FSCN1: variants seen among roughly 807,000 people sequenced by gnomAD.
FSCN1 encodes fascin actin-bundling protein 1, also known as fascin.
In FSCN1, 10 loss-of-function variants were observed where a neutral mutation model predicts 39.7. That is an observed-to-expected ratio of 0.25 (90% confidence interval 0.16 to 0.43). The LOEUF is 0.43. Among genes scored for constraint, FSCN1 ranks in the 20% least tolerant of loss-of-function variants. The pLI is 1.00. For missense variants in FSCN1, 525 were observed against 723.8 expected, an observed-to-expected ratio of 0.73 and a Z score of 3.15; for synonymous variants, 322 against 320.0, an observed-to-expected ratio of 1.01 and a Z score of -0.07.
chr7:5,603,632 C>G lies in FSCN1; in HGVS notation c.1111+15C>G, dbSNP rs1041009719. 3.0e-5 allele frequency: 48 copies of G among 1,613,864 alleles called. No homozygotes were observed. The highest frequency in any genetic ancestry group is 4.1e-5 in the Non-Finnish European group (48 of 1,180,018). On this transcript the variant is annotated intron_variant, in intron 3 of 4. Transcript: ENST00000382361. The surrounding 1 kb of genome is among the most constrained non-coding windows in gnomAD (Gnocchi z 8.5). ...GGAGACAGCAGGTAACACTAAAGCC[C>G]CAGTTCCCTGGAGCCGTCCTGGAGT...
intron 4 of FSCN1, among the ~76,000 whole-genome samples, chr7:5,604,792 T>C (rs1196337779): frequency 6.6e-6 from 1 of 152,104 alleles, no homozygotes; most frequent in Non-Finnish European, 1.5e-5. Flanking sequence ...GGAGCCACCA[T>C]GCCTGGCTAA....
intron 1 of FSCN1, chr7:5,594,470 G>C (rs1365151491): frequency 6.6e-6 from 1 of 152,450 alleles, no homozygotes; most frequent in Non-Finnish European, 1.5e-5. Flanking sequence ...CCTCGACTGG[G>C]TCCTCCCTCG....
At chr7:5,600,527 C>G (rs1434925321) in intron 1 of FSCN1, among the ~76,000 whole-genome samples, 1 of 151,920 alleles carries the variant, frequency 6.6e-6, no homozygotes, top group Non-Finnish European at 1.5e-5. Flanking sequence ...GAGTCTTGCT[C>G]TGTCGCCCAG....
rs773915363 is a variant in FSCN1 at position 5,593,802 on chromosome 7, C to G, written c.832+34C>G. The G allele has an allele frequency of 2.2e-6, 3 of 1,394,334 alleles. 1 individual carries two copies. The highest frequency in any genetic ancestry group is 2.6e-5 in the South Asian group (2 of 78,094). 86.4% of individuals were successfully genotyped at this position (1,394,334 alleles called of 1,614,324 possible). A position where few individuals can be genotyped will look rare whatever the true frequency, so the allele number is the denominator to read the frequency against. The stretch of plus-strand genomic sequence containing the variant: ...GGACGCTGCCCCCGCCTCTCCTGGT[C>G]CGTGCACAAAGCGCACCCCACCCGC... On this transcript the variant is annotated intron_variant, in intron 1 of 4. Transcript: ENST00000382361.
At position 5,605,249 on chromosome 7, in the gene FSCN1, A is replaced by G; in HGVS notation, c.1280-23A>G. ...GGTGGGGAGCCAGGCTTTGGGCCCC[A>G]CTTGATAAAGTCCCCTCCCCAGACT... On this transcript the variant is annotated intron_variant, in intron 4 of 4. Coordinates refer to ENST00000382361, the MANE Select transcript of FSCN1 (RefSeq NM_003088.4). The surrounding 1 kb of genome is among the most constrained non-coding windows in gnomAD (Gnocchi z 6.9). The G allele has an allele frequency of 6.3e-7, 1 of 1,592,472 alleles. No individual in the cohort carries two copies. Among genetic ancestry groups the G allele is most frequent in the South Asian group, 1.1e-5 (1 of 90,564 alleles).
chr7:5,594,094 G>T, intron 1 of FSCN1: 1 of 288,368 alleles, frequency 3.5e-6, no homozygotes, highest in Non-Finnish European at 5.9e-6. Flanking sequence ...CTGATCCCTC[G>T]GATCAGCTGT....
chr7:5,593,866 G>T (rs1308451871), intron 1 of FSCN1, 98 bp downstream of exon 1: 3 of 872,430 alleles, frequency 3.4e-6, no homozygotes, highest in Non-Finnish European at 5.1e-6. Flanking sequence ...TCGCGGCGCC[G>T]CTGCGGTCCG....
chr7:5,593,741 A>G lies in FSCN1; in HGVS notation c.805A>G (p.Asn269Asp). ...CGCCCAGGTCGTGCTGCAGGCGGCC[A>G]ACGAGAGGAACGTGTCCACGCGCCA... is the stretch of plus-strand genomic sequence containing the variant. ...SCAQVVLQAANERNVSTRQGM... is the reference protein window; with the variant it reads ...SCAQVVLQAADERNVSTRQGM... The change falls in exon 1 of 5, where the codon AAC becomes GAC. Residue 269 changes from asparagine (N) to aspartate (D), a missense_variant. Asn to Asp is a conservative substitution (Grantham distance 23). Around this residue, in one of 3 missense-constraint regions of FSCN1, gnomAD observed 275 missense variants for 351.9 expected, o/e 0.78. Coordinates refer to ENST00000382361, the MANE Select transcript of FSCN1 (RefSeq NM_003088.4). 1 of 1,588,080 alleles carries G rather than the reference A, an allele frequency of 6.3e-7. No individual in the cohort carries two copies. The highest frequency in any genetic ancestry group is 8.5e-7 in the Non-Finnish European group (1 of 1,174,108).
chr7:5,592,826 G>A lies in FSCN1; in HGVS notation c.-111G>A. The A allele has an allele frequency of 1.6e-6, 1 of 637,138 alleles. No individual in the cohort carries two copies. The highest frequency in any genetic ancestry group is 2.1e-5 in the South Asian group (1 of 48,322). 39.5% of individuals were successfully genotyped at this position (637,138 alleles called of 1,614,324 possible). A position where few individuals can be genotyped will look rare whatever the true frequency, so the allele number is the denominator to read the frequency against. On this transcript the variant is annotated 5_prime_UTR_variant, in exon 1 of 5. Transcript: ENST00000382361. The surrounding 1 kb of genome is among the most constrained non-coding windows in gnomAD (Gnocchi z 5.3). ...CGCTAGCTGGGCTTTGTGGAGCGCT[G>A]CGGAGGGTGCGTGCGGGCCGCGGCA...
chr7:5,603,767 G>A lies in FSCN1; in HGVS notation c.1112-96G>A, dbSNP rs1308365977. On this transcript the variant is annotated intron_variant, in intron 3 of 4. Transcript: ENST00000382361. This position sits in a 1 kb window ranked among gnomAD's most constrained non-coding sequence, Gnocchi z 8.5. ...GCACTGTCCTACCCTGGGGACTGCT[G>A]TGTGACCCCAGCTCCTGGCCCTCCC... 8 of 1,488,184 alleles carry A rather than the reference G, an allele frequency of 5.4e-6. No individual in the cohort carries two copies. Among genetic ancestry groups the A allele is most frequent in the African/African-American group, 2.8e-5 (2 of 72,402 alleles). 92.2% of individuals were successfully genotyped at this position (1,488,184 alleles called of 1,614,324 possible).
rs528905664 is a variant in FSCN1 at position 5,603,167 on chromosome 7, G to C, written c.833-90G>C. ...CCACCCCACCCCGTGGTGTTACCTT[G>C]CGTGTGTAGTTCTGTGAGCTCAGGG... On this transcript the variant is annotated intron_variant, in intron 1 of 4. Coordinates refer to ENST00000382361, the MANE Select transcript of FSCN1 (RefSeq NM_003088.4). This position sits in a 1 kb window ranked among gnomAD's most constrained non-coding sequence, Gnocchi z 8.5. 32 of 1,457,276 alleles carry C rather than the reference G, an allele frequency of 2.2e-5. No individual in the cohort carries two copies. Among genetic ancestry groups the C allele is most frequent in the Admixed American group, 1.1e-4 (6 of 56,284 alleles). 90.3% of individuals were successfully genotyped at this position (1,457,276 alleles called of 1,614,324 possible).
At chr7:5,598,008 GGCCAAGCGAGGGCCTTGGAGCCA>G (rs1785761667) in intron 1 of FSCN1, among the ~76,000 whole-genome samples, 1 of 152,214 alleles carries the variant, frequency 6.6e-6, no homozygotes, top group Admixed American at 6.5e-5. Flanking sequence ...GAGACTCCAA[GGCCAAGCGAGGGCCTTGGAGCCA>G]GGAGGGGCCC....
intron 1 of FSCN1, 103 bp downstream of exon 1, chr7:5,593,871 G>C: frequency 1.2e-6 from 1 of 829,330 alleles, no homozygotes. Flanking sequence ...GCGCCGCTGC[G>C]GTCCGGAGCA....
chr7:5,603,847 CCT>C lies in FSCN1; in HGVS notation c.1112-13_1112-12del, dbSNP rs1289802940. ...CCCTGCCAGGAGGCTCACTGACTCC[CCT>C]CTTTCTGGGACAGGGGACTCAGAGC... is the stretch of plus-strand genomic sequence containing the variant. On this transcript the variant is annotated splice_polypyrimidine_tract_variant and intron_variant, in intron 3 of 4. Transcript: ENST00000382361. The surrounding 1 kb of genome is among the most constrained non-coding windows in gnomAD (Gnocchi z 8.5). The C allele has an allele frequency of 4.4e-6, 7 of 1,609,070 alleles. No homozygotes were observed. The Admixed American group carries it at 1.2e-4, about 27-fold the overall frequency.
rs1785780470 is a variant in FSCN1, at chr7:5,599,048, T to G, written c.833-4209T>G. Among the ~76,000 whole-genome samples the G allele has an allele frequency of 6.6e-6, 1 of 151,952 alleles. No individual in the cohort carries two copies. The highest frequency in any genetic ancestry group is 1.5e-5 in the Non-Finnish European group (1 of 67,950). On this transcript the variant is annotated intron_variant, in intron 1 of 4. Transcript: ENST00000382361. The surrounding 1 kb of genome is among the most constrained non-coding windows in gnomAD (Gnocchi z 5.6). ...CCAGACCTTTGCAGGGCCTCTTGGC[T>G]GGTGGAGGGCTGAGTGAGCAGAGGC...
In FSCN1 at chr7:5,603,693, GCCC is replaced by G; in HGVS notation, c.1111+78_1111+80del. On this transcript the variant is annotated intron_variant, in intron 3 of 4. Transcript: ENST00000382361. The surrounding 1 kb of genome is among the most constrained non-coding windows in gnomAD (Gnocchi z 8.5). ...CTGGCCATGCCGTGGTCACTTGGTA[GCCC>G]CAGCCAAGGCCTGCTCTGTGCTGGG... The G allele has an allele frequency of 6.3e-7, 1 of 1,597,026 alleles. No individual in the cohort carries two copies. Among genetic ancestry groups the G allele is most frequent in the South Asian group, 1.1e-5 (1 of 90,038 alleles).
chr7:5,598,866 G>A lies in FSCN1; in HGVS notation c.833-4391G>A, dbSNP rs958984785. The stretch of plus-strand genomic sequence containing the variant: ...ATTGGACAGGTGGTGCTCTGTGGCC[G>A]GCACAGGCCAGGGCCCAGGGTGCGG... On this transcript the variant is annotated intron_variant, in intron 1 of 4. Coordinates refer to ENST00000382361, the MANE Select transcript of FSCN1 (RefSeq NM_003088.4). 1.8e-4 allele frequency among the ~76,000 whole-genome samples: 27 copies of A among 152,352 alleles called. 1 individual carries two copies. Among genetic ancestry groups the A allele is most frequent in the Middle Eastern group, 6.8e-3 (2 of 294 alleles).
At chr7:5,594,224 CCCA>C (rs902313635) in intron 1 of FSCN1, among the ~76,000 whole-genome samples, 218 of 152,286 alleles carry the variant, frequency 1.4e-3, no homozygotes, top group African/African-American at 5.1e-3. Flanking sequence ...CGCCTCCACC[CCCA>C]CCGGCAGCCT....
chr7:5,595,619 C>T (rs2128548766), intron 1 of FSCN1, among the ~76,000 whole-genome samples: 1 of 152,216 alleles, frequency 6.6e-6, no homozygotes, highest in Admixed American at 6.5e-5. Context: ...GGGGGGGGTG[C>T]TGTGTGGACC....
Sources: allele counts gnomAD v4.1 joint callset (sites outside exome capture counted in the v4.1 genomes callset), GRCh38; gene constraint gnomAD v4.1.1; regional missense constraint gnomAD v4.1.1; non-coding constraint Gnocchi (gnomAD v3.1); transcripts MANE v1.5; gene names NCBI Gene and HGNC (gene_info 2026-07-23, HGNC 2026-07-21).